ASCC3: variants seen among roughly 807,000 people sequenced by gnomAD.
ASCC3 encodes ASC-1 complex subunit P200.
Under a neutral mutation model 256.3 loss-of-function variants are expected in ASCC3, and 158 were observed. The observed-to-expected ratio is 0.62, with a 90% CI of 0.54 to 0.70. The LOEUF (loss-of-function observed/expected upper bound fraction) is 0.70, where lower values mean the gene tolerates loss of function less well. ASCC3 is among the 30% of genes least tolerant of loss of function. The pLI is 0.00. For missense variants in ASCC3, 2,259 were observed against 2,626.0 expected (o/e 0.86, Z 3.05); for synonymous variants, 948 against 883.4 (o/e 1.07, Z -1.30).
chr6:100,832,846 A>G (rs1360957141), intron 4 of ASCC3, among the ~76,000 whole-genome samples: 1 of 152,142 alleles, frequency 6.6e-6, no homozygotes, highest in Non-Finnish European at 1.5e-5. Context: ...TAGTTTATGG[A>G]TTACAATTAA....
intron 3 of ASCC3, among the ~76,000 whole-genome samples, chr6:100,851,726 A>C (rs13193416): frequency 6.6e-6 from 1 of 152,018 alleles, no homozygotes; most frequent in South Asian, 2.1e-4. Flanking sequence ...TTCATACCAC[A>C]GAACAGTTTT....
At chr6:100,837,038 G>C (rs1011704144) in intron 4 of ASCC3, among the ~76,000 whole-genome samples, 9 of 151,896 alleles carry the variant, frequency 5.9e-5, no homozygotes, top group African/African-American at 2.2e-4. Flanking sequence ...AAAATAATCT[G>C]ACAAATAATC....
intron 4 of ASCC3, among the ~76,000 whole-genome samples, chr6:100,836,774 A>C (rs1329622356): frequency 6.6e-6 from 1 of 152,108 alleles, no homozygotes; most frequent in Non-Finnish European, 1.5e-5. Context: ...CTTTGGAAGT[A>C]TCCACTCCTC....
chr6:100,509,595 T>A, intron 41 of ASCC3, 62 bp from the exon 42 acceptor site: 1 of 1,510,024 alleles, frequency 6.6e-7, no homozygotes, highest in Non-Finnish European at 9.1e-7. Flanking sequence ...CATATTTAAT[T>A]CTTTCAGAAC....
Position 100,661,903 on chromosome 6 carries a change from G to A in ASCC3, c.2606C>T (p.Thr869Met), listed in dbSNP as rs776337019. ...GAGGTAATGGCTGAGTTTATCATGC[G>A]TTGTTATAATTATTCCTTCCCCAAA... ...DKFGEGIIIT[T>M]HDKLSHYLTL... The change falls in exon 16 of 42, where the codon ACG becomes ATG. Residue 869 changes from threonine (T) to methionine (M), a missense_variant. By Grantham distance (81) the Thr-to-Met change is moderately conservative. Coordinates refer to ENST00000369162, the MANE Select transcript of ASCC3 (RefSeq NM_006828.4). 7.4e-6 allele frequency: 12 copies of A among 1,613,238 alleles called. No homozygotes were observed. The highest frequency in any genetic ancestry group is 1.7e-5 in the Admixed American group (1 of 59,912).
At position 100,864,125 on chromosome 6, in the gene ASCC3, C is replaced by G; in HGVS notation, c.180G>C (p.Lys60Asn). The change falls in exon 3 of 42, where the codon AAG (lysine) becomes AAC (asparagine). Residue 60 changes from lysine to asparagine, a missense_variant. Lys to Asn is a moderately conservative substitution (Grantham distance 94, BLOSUM62 0). This residue lies in a region of ASCC3 where 420 missense variants were observed against 419.3 expected (regional missense o/e 1.00). Transcript: ENST00000369162. ...IIKFLNEKLE[K>N]SKMQSINEDL... ...CTTCATTTATACTTTGCATTTTACT[C>G]TTCTCCAGTTTTTCATTCAAAAATT... 8 of 1,604,562 alleles carry G rather than the reference C, an allele frequency of 5.0e-6. No homozygotes were observed. Among genetic ancestry groups the G allele is most frequent in the Non-Finnish European group, 5.1e-6 (6 of 1,173,626 alleles).
chr6:100,741,487 G>A lies in ASCC3; in HGVS notation c.1738-15784C>T, dbSNP rs143151981. On this transcript the variant is annotated intron_variant, in intron 10 of 41. Coordinates refer to ENST00000369162, the MANE Select transcript of ASCC3 (RefSeq NM_006828.4). ...ATCCTGAAGTATGTTTTCCAACTTG[G>A]TTCCATTCTCCCCATCTCGTTTAGG... is the stretch of plus-strand genomic sequence containing the variant. Among the ~76,000 whole-genome samples, 142 of 152,248 alleles carry A rather than the reference G, an allele frequency of 9.3e-4. 3 individuals carry two copies. In the East Asian group the frequency reaches 0.024, roughly 25 times the overall value.
chr6:100,724,952 A>C (rs1582763170), intron 11 of ASCC3, among the ~76,000 whole-genome samples: 1 of 152,020 alleles, frequency 6.6e-6, no homozygotes, highest in East Asian at 1.9e-4. Context: ...CAGCATCTCC[A>C]GCAATATTTC....
chr6:100,604,377 T>C (rs933369058), intron 33 of ASCC3, among the ~76,000 whole-genome samples: 1 of 151,952 alleles, frequency 6.6e-6, no homozygotes, highest in Non-Finnish European at 1.5e-5. Context: ...TCTTACTCTT[T>C]TTCTTTCTTT....
chr6:100,515,702 AAG>A (rs1296758096), intron 39 of ASCC3, among the ~76,000 whole-genome samples: 2 of 152,184 alleles, frequency 1.3e-5, no homozygotes, highest in African/African-American at 4.8e-5. Flanking sequence ...TGATTATAAT[AAG>A]AGAGGGGCAT....
intron 34 of ASCC3, among the ~76,000 whole-genome samples, chr6:100,598,114 A>AT (rs1772404145): frequency 1.3e-5 from 2 of 152,150 alleles, no homozygotes; most frequent in African/African-American, 4.8e-5. Context: ...GCAGGCAAGA[A>AT]GAAGAGTGAC....
intron 30 of ASCC3, among the ~76,000 whole-genome samples, chr6:100,613,516 T>C (rs948981306): frequency 6.6e-6 from 1 of 152,076 alleles, no homozygotes; most frequent in South Asian, 2.1e-4. Context: ...TTCTATTTTG[T>C]ATATATACAT....
At chr6:100,861,927 G>A (rs1480096692) in intron 3 of ASCC3, among the ~76,000 whole-genome samples, 1 of 152,024 alleles carries the variant, frequency 6.6e-6, no homozygotes, top group Non-Finnish European at 1.5e-5. Context: ...CCTTATTTAT[G>A]TAAAGAAATA....
At position 100,554,924 on chromosome 6, in the gene ASCC3, T is replaced by C. The variant is rs573761393; in HGVS notation, c.5551-14537A>G. ...TTTTTTCTATATATTATCAAATATA[T>C]ATAGTTAGCATTGTTTTTAACACTT... On this transcript the variant is annotated intron_variant, in intron 36 of 41. Transcript: ENST00000369162. 3.9e-5 allele frequency among the ~76,000 whole-genome samples: 6 copies of C among 152,092 alleles called. No individual in the cohort carries two copies. The South Asian group carries it at 1.2e-3, about 32-fold the overall frequency.
intron 36 of ASCC3, among the ~76,000 whole-genome samples, chr6:100,584,518 G>A (rs914828492): frequency 6.6e-6 from 1 of 152,132 alleles, no homozygotes; most frequent in Non-Finnish European, 1.5e-5. Context: ...ACAGCACGCT[G>A]ATGGGTCTTG....
intron 13 of ASCC3, among the ~76,000 whole-genome samples, chr6:100,703,832 A>G (rs1778455566): frequency 6.6e-6 from 1 of 151,894 alleles, no homozygotes; most frequent in Admixed American, 6.6e-5. Context: ...TAAATGGATA[A>G]ATGTATAACC....
chr6:100,587,935 A>G (rs534632105), intron 36 of ASCC3, among the ~76,000 whole-genome samples: 1 of 152,306 alleles, frequency 6.6e-6, no homozygotes, highest in African/African-American at 2.4e-5. Flanking sequence ...TACAGAATGT[A>G]GTAGGCATAT....
intron 25 of ASCC3, among the ~76,000 whole-genome samples, chr6:100,636,698 G>T (rs903986902): frequency 6.6e-6 from 1 of 152,194 alleles, no homozygotes; most frequent in Non-Finnish European, 1.5e-5. Flanking sequence ...GAAATGAAAA[G>T]TGCTACTTCA....
At chr6:100,811,909 G>GTT (rs1770488730) in intron 4 of ASCC3, among the ~76,000 whole-genome samples, 1 of 152,164 alleles carries the variant, frequency 6.6e-6, no homozygotes, top group South Asian at 2.1e-4. Context: ...TATTGGATTA[G>GTT]TTTGTAGAGA....
Sources: gnomAD v4.1 joint callset for allele counts (sites outside exome capture counted in the v4.1 genomes callset) on GRCh38, gnomAD v4.1.1 for gene constraint, gnomAD v4.1.1 regional missense constraint, MANE v1.5 for transcripts, NCBI Gene and HGNC (gene_info 2026-07-23, HGNC 2026-07-21) for gene names.